CA10: variants seen among roughly 807,000 people sequenced by gnomAD.
CA10 encodes the protein carbonic anhydrase 10 (inactive).
In CA10, 14 loss-of-function variants were observed where a neutral mutation model predicts 44.2. The ratio of observed to expected loss-of-function variants is 0.32; its 90% confidence interval spans 0.21 to 0.50. The LOEUF is 0.50. CA10 is among the 20% of genes least tolerant of loss of function. The pLI, the probability that CA10 is intolerant of heterozygous loss-of-function variation, is 0.99. For missense variants in CA10, 350 were observed against 409.7 expected (o/e 0.85, Z 1.26); for synonymous variants, 159 against 141.6 (o/e 1.12, Z -0.87).
At chr17:51,704,438 C>T (rs1915697416) in intron 4 of CA10, among the ~76,000 whole-genome samples, 1 of 152,208 alleles carries the variant, frequency 6.6e-6, no homozygotes, top group Non-Finnish European at 1.5e-5. Flanking sequence ...GCAAGTGTTT[C>T]TCTCTAGGCC....
intron 3 of CA10, among the ~76,000 whole-genome samples, chr17:51,869,526 T>C (rs984799158): frequency 1.3e-5 from 2 of 152,184 alleles, no homozygotes; most frequent in African/African-American, 4.8e-5. Flanking sequence ...CCCTGTCAGA[T>C]CCTTGAACTG....
intron 3 of CA10, among the ~76,000 whole-genome samples, chr17:51,784,531 C>T (rs1906185588): frequency 6.6e-6 from 1 of 152,228 alleles, no homozygotes; most frequent in African/African-American, 2.4e-5. Flanking sequence ...CCTTCCCAGC[C>T]TCTGGTAATT....
intron 1 of CA10, among the ~76,000 whole-genome samples, chr17:52,157,285 C>G (rs1989823361): frequency 6.6e-6 from 1 of 152,090 alleles, no homozygotes; most frequent in Non-Finnish European, 1.5e-5. Flanking sequence ...CGCATCCTCC[C>G]GCAGTCTCTT....
intron 3 of CA10, among the ~76,000 whole-genome samples, chr17:51,867,037 T>C (rs577056340): frequency 6.6e-6 from 1 of 152,170 alleles, no homozygotes; most frequent in African/African-American, 2.4e-5. Flanking sequence ...TTCTGTTTGA[T>C]TGGCAATGAG....
rs951542482 is a variant in CA10, at chr17:51,700,783, T to A, written c.465+46850A>T. On this transcript the variant is annotated intron_variant, in intron 4 of 8. Transcript: ENST00000451037. ...ACAAACTGAGGGACATAGATGGAGC[T>A]GGAAGCCATTATCCTTAGCAAACTA... Among the ~76,000 whole-genome samples, 3 of 152,148 alleles carry A rather than the reference T, an allele frequency of 2.0e-5. No individual in the cohort carries two copies. In the East Asian group the frequency reaches 5.8e-4, roughly 29 times the overall value.
At chr17:51,756,369 T>A (rs1331497406) in intron 3 of CA10, among the ~76,000 whole-genome samples, 1 of 152,192 alleles carries the variant, frequency 6.6e-6, no homozygotes, top group Non-Finnish European at 1.5e-5. Context: ...AGTCCCAGAA[T>A]TCTAGCCCAG....
intron 3 of CA10, among the ~76,000 whole-genome samples, chr17:51,911,123 C>T (rs1198679034): frequency 3.3e-5 from 5 of 152,090 alleles, no homozygotes; most frequent in Middle Eastern, 3.2e-3. Flanking sequence ...CCCCTCCAGG[C>T]GCTTTTAATC....
rs1283574812 is a variant in CA10 at position 51,759,189 on chromosome 17, C to A, written c.280-11371G>T. Among the ~76,000 whole-genome samples the A allele has an allele frequency of 3.3e-5, 5 of 151,914 alleles. No individual in the cohort carries two copies. The East Asian group carries it at 9.7e-4, about 29-fold the overall frequency. Reference sequence around the variant, plus strand: ...TTACTTCTTAGTGAGTGGCTGGAGTCTTATGCCAACTGGATAAAGTTATTG... The same window carrying A: ...TTACTTCTTAGTGAGTGGCTGGAGTATTATGCCAACTGGATAAAGTTATTG... On this transcript the variant is annotated intron_variant, in intron 3 of 8. Transcript: ENST00000451037.
chr17:51,911,529 C>T (rs1355656166), intron 3 of CA10, among the ~76,000 whole-genome samples: 2 of 152,090 alleles, frequency 1.3e-5, no homozygotes, highest in Non-Finnish European at 2.9e-5. Context: ...TGTATTTGGT[C>T]TGCCAAGCAG....
intron 2 of CA10, among the ~76,000 whole-genome samples, chr17:52,014,990 T>C (rs1985923702): frequency 6.6e-6 from 1 of 152,032 alleles, no homozygotes; most frequent in Admixed American, 6.6e-5. Flanking sequence ...CCTACATATA[T>C]GAACATGAAT....
At chr17:51,769,640 GCAT>G (rs1219356392) in intron 3 of CA10, among the ~76,000 whole-genome samples, 1 of 152,142 alleles carries the variant, frequency 6.6e-6, no homozygotes, top group Non-Finnish European at 1.5e-5. Context: ...CCAGCACAGT[GCAT>G]CAAAGATATA....
chr17:51,821,138 C>T, intron 3 of CA10, among the ~76,000 whole-genome samples: 1 of 144,694 alleles, frequency 6.9e-6, no homozygotes, highest in Non-Finnish European at 1.5e-5. Flanking sequence ...TCCCTCCCTC[C>T]CTCCCAATAT....
At chr17:52,114,614 T>G (rs931574143) in intron 1 of CA10, among the ~76,000 whole-genome samples, 3 of 152,234 alleles carry the variant, frequency 2.0e-5, no homozygotes, top group Non-Finnish European at 4.4e-5. Flanking sequence ...TTTTAATTAC[T>G]TAACATGCCA....
intron 2 of CA10, among the ~76,000 whole-genome samples, chr17:51,932,968 G>GA (rs1982725255): frequency 1.3e-5 from 2 of 151,962 alleles, no homozygotes; most frequent in African/African-American, 4.8e-5. Flanking sequence ...CTCAAATTAT[G>GA]AAAATAAAGC....
chr17:51,980,350 T>C (rs565410290), intron 2 of CA10, among the ~76,000 whole-genome samples: 1 of 152,192 alleles, frequency 6.6e-6, no homozygotes, highest in Non-Finnish European at 1.5e-5. Flanking sequence ...TGTCCCTTCA[T>C]GTCCTTTGCC....
In CA10 at chr17:51,646,377, T is replaced by G. The variant is rs541938126; in HGVS notation, c.634+2805A>C. Among the ~76,000 whole-genome samples the G allele has an allele frequency of 1.8e-4, 27 of 152,290 alleles. 2 individuals carry two copies. In the Middle Eastern group the frequency reaches 0.017, roughly 96 times the overall value. On this transcript the variant is annotated intron_variant, in intron 6 of 8. Coordinates refer to ENST00000451037, the MANE Select transcript of CA10 (RefSeq NM_020178.5). ...GCTCAGCACGTTGCAGAGTGGATAC[T>G]GCATCTAAATGAGCAGAGCAAATTG...
At chr17:52,067,929 C>A (rs59682028) in intron 2 of CA10, among the ~76,000 whole-genome samples, 64,823 of 152,036 alleles carry the variant, frequency 0.43, 14,259 homozygotes, top group Non-Finnish European at 0.48. Context: ...TTTACAGGCT[C>A]ATAGGCAGAA....
At chr17:51,633,873 T>A (rs755025526) in intron 7 of CA10, among the ~76,000 whole-genome samples, 11 of 152,214 alleles carry the variant, frequency 7.2e-5, no homozygotes, top group Non-Finnish European at 1.5e-4. Context: ...CTAGCTTGTG[T>A]ATGCCTCTGA....
intron 2 of CA10, among the ~76,000 whole-genome samples, chr17:52,057,049 C>T (rs749647402): frequency 6.6e-6 from 1 of 152,114 alleles, no homozygotes; most frequent in Non-Finnish European, 1.5e-5. Flanking sequence ...GAACAAAACT[C>T]ATGTAGCTGA....
Sources: gnomAD v4.1 joint callset for allele counts (sites outside exome capture counted in the v4.1 genomes callset) on GRCh38, gnomAD v4.1.1 for gene constraint, MANE v1.5 for transcripts, NCBI Gene and HGNC (gene_info 2026-07-23, HGNC 2026-07-21) for gene names.